Variants in PRKCQ observed in about 807,000 individuals in gnomAD.
The protein encoded by PRKCQ is protein kinase C theta, also known as protein kinase C theta type.
In PRKCQ, 41 loss-of-function variants were observed where a neutral mutation model predicts 91.2. The observed-to-expected ratio is 0.45, with a 90% CI of 0.35 to 0.58. The LOEUF (loss-of-function observed/expected upper bound fraction) is 0.58. Among genes scored for constraint, PRKCQ ranks in the 20% least tolerant of loss-of-function variants. The pLI is 0.00. For missense variants in PRKCQ, 673 were observed against 896.5 expected, an observed-to-expected ratio of 0.75 and a Z score of 3.18; for synonymous variants, 307 against 316.9, an observed-to-expected ratio of 0.97 and a Z score of 0.33.
At chr10:6,519,609 G>C (rs1376979471) in intron 1 of PRKCQ, among the ~76,000 whole-genome samples, 1 of 152,112 alleles carries the variant, frequency 6.6e-6, no homozygotes, top group Admixed American at 6.6e-5. Flanking sequence ...TTCCCGATAA[G>C]CAAATGCAGA....
intron 1 of PRKCQ, among the ~76,000 whole-genome samples, chr10:6,553,590 TC>T (rs1301849441): frequency 1.3e-5 from 2 of 152,012 alleles, no homozygotes; most frequent in African/African-American, 4.8e-5. Flanking sequence ...TTTCATCTTT[TC>T]CTTTTTTTCC....
At chr10:6,404,439 TCTTTCTCTTTC>T in the PRKCQ span, among the ~76,000 whole-genome samples, 1 of 141,506 alleles carries the variant, frequency 7.1e-6, no homozygotes, top group African/African-American at 2.7e-5. Context: ...TTTCTCTCTT[TCTTTCTCTTTC>T]CTTTCTTCCT....
chr10:6,580,028 G>C (rs1241227823), intron 1 of PRKCQ, among the ~76,000 whole-genome samples, 183 bp downstream of exon 1: 2 of 152,046 alleles, frequency 1.3e-5, no homozygotes, highest in Non-Finnish European at 2.9e-5. Flanking sequence ...AAACCCAGCG[G>C]GGAAATTCTT....
chr10:6,472,627 T>C (rs1055312368), intron 12 of PRKCQ, among the ~76,000 whole-genome samples: 2 of 152,228 alleles, frequency 1.3e-5, no homozygotes, highest in African/African-American at 4.8e-5. Context: ...GATTATAGAT[T>C]AACTTGCTTC....
intron 15 of PRKCQ, among the ~76,000 whole-genome samples, chr10:6,450,874 T>C (rs1289682352): frequency 6.6e-6 from 1 of 151,950 alleles, no homozygotes; most frequent in Non-Finnish European, 1.5e-5. Context: ...TTCTTTGAAA[T>C]CAATGAGAAC....
intron 1 of PRKCQ, among the ~76,000 whole-genome samples, chr10:6,529,694 T>C (rs1839322768): frequency 6.6e-6 from 1 of 152,230 alleles, no homozygotes; most frequent in African/African-American, 2.4e-5. Flanking sequence ...TCTATCAGTT[T>C]CCAAGCTGTA....
At chr10:6,414,939 T>C in the PRKCQ span, among the ~76,000 whole-genome samples, 1 of 152,106 alleles carries the variant, frequency 6.6e-6, no homozygotes, top group Admixed American at 6.5e-5. Flanking sequence ...TTTCCAAGTA[T>C]GATGAAGACT....
chr10:6,500,778 A>G (rs1385377022), intron 4 of PRKCQ, among the ~76,000 whole-genome samples: 1 of 152,142 alleles, frequency 6.6e-6, no homozygotes, highest in Non-Finnish European at 1.5e-5. Flanking sequence ...GTAGTCAATC[A>G]AATTACAAGT....
intron 1 of PRKCQ, among the ~76,000 whole-genome samples, chr10:6,551,004 T>A (rs980377017): frequency 5.9e-5 from 9 of 152,342 alleles, no homozygotes; most frequent in East Asian, 1.9e-4. Context: ...CTCTTTTTTT[T>A]AAATGTTTAT....
At chr10:6,501,612 G>A (rs772134618) in intron 4 of PRKCQ, among the ~76,000 whole-genome samples, 42 of 151,836 alleles carry the variant, frequency 2.8e-4, no homozygotes, top group Non-Finnish European at 5.7e-4. Flanking sequence ...ACCTGAAGTC[G>A]GGAGTTTGAG....
At chr10:6,394,268 G>GT in the PRKCQ span, among the ~76,000 whole-genome samples, 1 of 152,102 alleles carries the variant, frequency 6.6e-6, no homozygotes, top group African/African-American at 2.4e-5. Context: ...CTTTGTTGTC[G>GT]TAAGTGTAGT....
chr10:6,526,382 T>C lies in PRKCQ; in HGVS notation c.-9-11238A>G, dbSNP rs562785526. Among the ~76,000 whole-genome samples the C allele has an allele frequency of 2.0e-5, 3 of 151,946 alleles. No individual in the cohort carries two copies. The South Asian group carries it at 6.3e-4, about 32-fold the overall frequency. ...ACAAAACCCATCCTTTGTGCAGAGG[T>C]CCAGATGCACGAGACAGACAAGAAA... On this transcript the variant is annotated intron_variant, in intron 1 of 17. Transcript: ENST00000263125.
intron 15 of PRKCQ, among the ~76,000 whole-genome samples, chr10:6,453,656 A>G (rs1239836432): frequency 6.6e-6 from 1 of 152,220 alleles, no homozygotes; most frequent in African/African-American, 2.4e-5. Flanking sequence ...AATAGCAAAG[A>G]CTTGGAACCA....
chr10:6,414,840 A>G, the PRKCQ span, among the ~76,000 whole-genome samples: 2 of 152,024 alleles, frequency 1.3e-5, no homozygotes, highest in African/African-American at 2.4e-5. Flanking sequence ...GAACTATGGG[A>G]TTACTTCAAG....
At chr10:6,526,601 C>T (rs1488758115) in intron 1 of PRKCQ, among the ~76,000 whole-genome samples, 2 of 152,022 alleles carry the variant, frequency 1.3e-5, no homozygotes, top group Non-Finnish European at 2.9e-5. Flanking sequence ...GTGAACGTTC[C>T]CGGCCGAAAC....
chr10:6,528,343 C>G (rs958878349), intron 1 of PRKCQ, among the ~76,000 whole-genome samples: 1 of 152,104 alleles, frequency 6.6e-6, no homozygotes, highest in Non-Finnish European at 1.5e-5. Context: ...GTTGCAGGAT[C>G]TGCTGATCTG....
At chr10:6,440,121 G>C (rs1039256565) in intron 16 of PRKCQ, among the ~76,000 whole-genome samples, 2 of 152,142 alleles carry the variant, frequency 1.3e-5, no homozygotes, top group Non-Finnish European at 2.9e-5. Context: ...GCCCTGTGAA[G>C]AGGTGCCTTC....
chr10:6,499,362 T>C (rs1158976858), intron 4 of PRKCQ, among the ~76,000 whole-genome samples: 7 of 152,206 alleles, frequency 4.6e-5, no homozygotes, highest in Non-Finnish European at 1.0e-4. Context: ...GAATGACATC[T>C]TTCCAAAGGG....
chr10:6,422,035 A>C, the PRKCQ span, among the ~76,000 whole-genome samples: 7 of 152,374 alleles, frequency 4.6e-5, no homozygotes, highest in African/African-American at 1.7e-4. Flanking sequence ...TGTATAAGAA[A>C]AATAAAGCAG....
Sources: allele counts gnomAD v4.1 joint callset (sites outside exome capture counted in the v4.1 genomes callset), GRCh38; gene constraint gnomAD v4.1.1; transcripts MANE v1.5; gene names NCBI Gene and HGNC (gene_info 2026-07-23, HGNC 2026-07-21).